BIRC6: variants seen among roughly 807,000 people sequenced by gnomAD.
The protein encoded by BIRC6 is dual E2 ubiquitin-conjugating enzyme/E3 ubiquitin-protein ligase BIRC6.
Under a neutral mutation model 503.3 loss-of-function variants are expected in BIRC6, and 98 were observed. That is an observed-to-expected ratio of 0.19 (90% CI 0.17 to 0.23). BIRC6 has a LOEUF of 0.23. Among genes scored for constraint, BIRC6 ranks in the 10% least tolerant of loss-of-function variants. BIRC6 has a pLI of 1.00. For synonymous variants in BIRC6, 2,240 were observed against 2,078.7 expected, an observed-to-expected ratio of 1.08 and a Z score of -2.11; for missense variants, 5,360 against 5,806.0, an observed-to-expected ratio of 0.92 and a Z score of 2.50.
rs538774299 is a variant in BIRC6 at position 32,536,133 on chromosome 2, G to A, written c.12291+4582G>A. Among the ~76,000 whole-genome samples, 38 of 152,172 alleles carry A rather than the reference G, an allele frequency of 2.5e-4. 1 individual carries two copies. The South Asian group carries it at 5.2e-3, about 21-fold the overall frequency. The stretch of plus-strand genomic sequence containing the variant: ...TGAGAAGCATTTGTTCATATCCTTC[G>A]CCCACTTTTTGATGGGGTTGTTTGT... On this transcript the variant is annotated intron_variant, in intron 61 of 73. Transcript: ENST00000421745.
At chr2:32,527,704 G>GT (rs1345488390) in intron 59 of BIRC6, 1 of 152,434 alleles carries the variant, frequency 6.6e-6, no homozygotes, top group African/African-American at 2.4e-5. Context: ...CCTTACATAT[G>GT]TAAAAAATAT....
At chr2:32,500,588 TTTTTTGTTTTTG>T (rs1477779902) in intron 46 of BIRC6, among the ~76,000 whole-genome samples, 3 of 143,896 alleles carry the variant, frequency 2.1e-5, no homozygotes, top group South Asian at 2.3e-4. Flanking sequence ...CCCCTGCTAG[TTTTTTGTTTTTG>T]TTTTTGTTTT....
At chr2:32,504,708 A>G (rs1448966316) in intron 49 of BIRC6, among the ~76,000 whole-genome samples, 1 of 151,892 alleles carries the variant, frequency 6.6e-6, no homozygotes, top group Admixed American at 6.6e-5. Context: ...AAAAAATTTA[A>G]AAAAAGTTTG....
intron 23 of BIRC6, among the ~76,000 whole-genome samples, chr2:32,455,854 A>C (rs1410781580): frequency 6.6e-6 from 1 of 152,182 alleles, no homozygotes; most frequent in Non-Finnish European, 1.5e-5. Context: ...ATTTCACCCA[A>C]AATGAAACTG....
chr2:32,493,440 C>T (rs2149359042), intron 44 of BIRC6, 100 bp from the exon 45 acceptor site: 1 of 1,101,878 alleles, frequency 9.1e-7, no homozygotes, highest in South Asian at 2.3e-5. Flanking sequence ...CGAAAAGTTA[C>T]AGTGTATAGC....
intron 1 of BIRC6, 88 bp from the exon 2 acceptor site, chr2:32,377,500 T>C: frequency 1.9e-6 from 2 of 1,055,928 alleles, no homozygotes; most frequent in Non-Finnish European, 2.6e-6. Flanking sequence ...CAGGATAATA[T>C]ATTGTGTTTA....
At chr2:32,613,726 A>G (rs2063045698) in intron 73 of BIRC6, among the ~76,000 whole-genome samples, 1 of 152,172 alleles carries the variant, frequency 6.6e-6, no homozygotes, top group Non-Finnish European at 1.5e-5. Flanking sequence ...TAAAACACTC[A>G]TAACATTTGT....
At position 32,414,881 on chromosome 2, in the gene BIRC6, T is replaced by G. The variant is rs762989283; in HGVS notation, c.1590T>G (p.Asp530Glu). Residue 530 changes from aspartate to glutamate, a missense_variant, in exon 10 of 74, where the codon GAT (aspartate) becomes GAG (glutamate). By Grantham distance (45) the Asp-to-Glu change is conservative (BLOSUM62 2). This residue lies in a region of BIRC6 where 700 missense variants were observed against 739.3 expected (regional missense o/e 0.95). Transcript: ENST00000421745. ...QWEIVANVLE[D>E]TVKDLEELGA... ...AGATTGTTGCAAATGTGCTTGAAGATACTGTTAAGGATCTTGAAGAACTTG... is the reference window on the plus strand; with the variant it reads ...AGATTGTTGCAAATGTGCTTGAAGAGACTGTTAAGGATCTTGAAGAACTTG... 19 of 1,613,954 alleles carry G rather than the reference T, an allele frequency of 1.2e-5. No individual in the cohort carries two copies. Among genetic ancestry groups the G allele is most frequent in the Non-Finnish European group, 1.6e-5 (19 of 1,179,870 alleles).
In BIRC6 at chr2:32,357,204, G is replaced by C. The variant is rs865806711; in HGVS notation, c.43G>C (p.Glu15Gln). Residue 15 changes from glutamate (E) to glutamine (Q), a missense_variant, in exon 1 of 74, where the codon GAG becomes CAG. Glu to Gln is a conservative substitution (Grantham distance 29). Around this residue, in one of 16 missense-constraint regions of BIRC6, gnomAD observed 145 missense variants for 106.9 expected, o/e 1.36. Transcript: ENST00000421745. The surrounding 1 kb of genome is among the most constrained non-coding windows in gnomAD (Gnocchi z 4.9). ...TGCTGCACCTCCCGGGACTGTCACT[G>C]AGCCGCTTCCCAGTGTGATTGTGCT... ...GGAAPPGTVTEPLPSVIVLSA... is the reference protein window; with the variant it reads ...GGAAPPGTVTQPLPSVIVLSA... 1.3e-6 allele frequency: 2 copies of C among 1,539,884 alleles called. No homozygotes were observed. Among genetic ancestry groups the C allele is most frequent in the Non-Finnish European group, 1.7e-6 (2 of 1,148,986 alleles).
At chr2:32,393,255 GT>G in intron 5 of BIRC6, among the ~76,000 whole-genome samples, 1 of 152,220 alleles carries the variant, frequency 6.6e-6, no homozygotes, top group East Asian at 1.9e-4. Flanking sequence ...AACAGTCATA[GT>G]TTTGTGTAGG....
At chr2:32,548,565 T>G (rs1261354393) in intron 64 of BIRC6, 2 of 149,434 alleles carry the variant, frequency 1.3e-5, no homozygotes, top group African/African-American at 5.0e-5. Flanking sequence ...GTGGATCACC[T>G]GAGGTCAGGA....
rs1292566443 is a variant in BIRC6, at chr2:32,549,198, A to T, written c.12976-115A>T. 9 of 652,220 alleles carry T rather than the reference A, an allele frequency of 1.4e-5. No homozygotes were observed. The East Asian group carries it at 1.5e-4, about 11-fold the overall frequency. The allele number at this position is 652,220 out of a possible 1,614,324, so 40.4% of individuals were successfully genotyped here. On this transcript the variant is annotated intron_variant, in intron 64 of 73. Transcript: ENST00000421745. ...TAATTATTTTAAAACATAGTATAAGATACTGATTAAGTAGAAAATATGTAC... is the reference window on the plus strand; with the variant it reads ...TAATTATTTTAAAACATAGTATAAGTTACTGATTAAGTAGAAAATATGTAC...
intron 65 of BIRC6, among the ~76,000 whole-genome samples, chr2:32,553,025 A>G (rs1458589684): frequency 2.7e-5 from 4 of 149,278 alleles, no homozygotes; most frequent in African/African-American, 9.8e-5. Context: ...CTACTAAAAA[A>G]AAAAAACAAA....
chr2:32,422,050 G>C (rs751480505), intron 10 of BIRC6, among the ~76,000 whole-genome samples: 2 of 152,028 alleles, frequency 1.3e-5, no homozygotes, highest in African/African-American at 2.4e-5. Flanking sequence ...TGGTTCTTTT[G>C]TCATTATGAA....
chr2:32,573,402 G>T (rs1271823720), intron 65 of BIRC6, among the ~76,000 whole-genome samples: 1 of 152,030 alleles, frequency 6.6e-6, no homozygotes, highest in Non-Finnish European at 1.5e-5. Context: ...CACCATGTTG[G>T]CCAGGCTGGT....
Position 32,414,959 on chromosome 2 carries a change from C to T in BIRC6, c.1668C>T (p.His556=). Residue 556 remains histidine (H), a synonymous_variant, in exon 10 of 74, where the codon CAC becomes CAT. Coordinates refer to ENST00000421745, the MANE Select transcript of BIRC6 (RefSeq NM_016252.4). ...AGAGTGAAAAGACAAAGGAAAAGCA[C>T]CAGGAGCAACACAACATTCCTTTTC... ...NSKSEKTKEK[H]QEQHNIPFPC... 6.2e-7 allele frequency: 1 copy of T among 1,613,886 alleles called. No individual in the cohort carries two copies. The highest frequency in any genetic ancestry group is 8.5e-7 in the Non-Finnish European group (1 of 1,179,872).
intron 22 of BIRC6, among the ~76,000 whole-genome samples, chr2:32,452,681 A>T (rs1018634923): frequency 6.6e-6 from 1 of 152,110 alleles, no homozygotes; most frequent in African/African-American, 2.4e-5. Flanking sequence ...GCATTTTATT[A>T]TCCCATAACT....
chr2:32,463,660 CAGTTACT>C lies in BIRC6; in HGVS notation c.4941+288_4941+294del, dbSNP rs1451494220. ...TACACACTCGATCAAAGAATATGTACAGTTACTAGTTACTATTTATATGGAGTATAGT... is the reference window on the plus strand; with the variant it reads ...TACACACTCGATCAAAGAATATGTACAGTTACTATTTATATGGAGTATAGT... On this transcript the variant is annotated intron_variant, in intron 24 of 73. Transcript: ENST00000421745. 2.0e-5 allele frequency among the ~76,000 whole-genome samples: 3 copies of C among 152,160 alleles called. No homozygotes were observed. The East Asian group carries it at 5.8e-4, about 29-fold the overall frequency.
chr2:32,357,116 T>C lies in BIRC6; in HGVS notation c.-46T>C, dbSNP rs1349680876. On this transcript the variant is annotated 5_prime_UTR_variant, in exon 1 of 74. Transcript: ENST00000421745. This position sits in a 1 kb window ranked among gnomAD's most constrained non-coding sequence, Gnocchi z 4.9. Reference sequence around the variant, plus strand: ...GACGTTCCGCGTGCGTGCGGGCGCCTGACTTCACTTCCGGCTAACGCGCTC... The same window carrying C: ...GACGTTCCGCGTGCGTGCGGGCGCCCGACTTCACTTCCGGCTAACGCGCTC... 7.0e-7 allele frequency: 1 copy of C among 1,423,884 alleles called. No homozygotes were observed. Among genetic ancestry groups the C allele is most frequent in the Non-Finnish European group, 9.1e-7 (1 of 1,096,366 alleles). 88.2% of individuals were successfully genotyped at this position (1,423,884 alleles called of 1,614,324 possible). A position where few individuals can be genotyped will look rare whatever the true frequency, so the allele number is the denominator to read the frequency against.
Sources: allele counts gnomAD v4.1 joint callset (sites outside exome capture counted in the v4.1 genomes callset), GRCh38; gene constraint gnomAD v4.1.1; regional missense constraint gnomAD v4.1.1; non-coding constraint Gnocchi (gnomAD v3.1); transcripts MANE v1.5; gene names NCBI Gene and HGNC (gene_info 2026-07-23, HGNC 2026-07-21).